The following DLG1 variants were observed in gnomAD, a reference collection of about 807,000 sequenced individuals.
DLG1 encodes the protein discs large MAGUK scaffold protein 1.
Under a neutral mutation model 123.4 loss-of-function variants are expected in DLG1, and 42 were observed. The ratio of observed to expected loss-of-function variants is 0.34; its 90% CI spans 0.27 to 0.44. The LOEUF is 0.44. Ranked by LOEUF, DLG1 falls within the 20% of genes least tolerant of loss-of-function variation. The probability of loss-of-function intolerance (pLI) is 1.00; values close to 1 mark genes in which losing one functional copy is unlikely to be tolerated. For synonymous variants in DLG1, 317 were observed against 356.2 expected (o/e 0.89, Z 1.24); for missense variants, 942 against 1,082.6 (o/e 0.87, Z 1.82).
At chr3:197,073,653 T>C (rs1009378660) in intron 18 of DLG1, among the ~76,000 whole-genome samples, 2 of 152,212 alleles carry the variant, frequency 1.3e-5, no homozygotes, top group East Asian at 1.9e-4. Context: ...GGGAAATCAA[T>C]AATTTATTTG....
intron 4 of DLG1, among the ~76,000 whole-genome samples, chr3:197,269,962 A>C (rs1763241591): frequency 6.6e-6 from 1 of 152,230 alleles, no homozygotes; most frequent in Non-Finnish European, 1.5e-5. Context: ...AAATGAATAC[A>C]ATATGTGCTT....
intron 3 of DLG1, among the ~76,000 whole-genome samples, chr3:197,293,425 T>C (rs1775885015): frequency 6.6e-6 from 1 of 152,246 alleles, no homozygotes; most frequent in Non-Finnish European, 1.5e-5. Context: ...CGAGTATCAA[T>C]TATAAAATGC....
chr3:197,241,129 A>G (rs919546734), intron 4 of DLG1, among the ~76,000 whole-genome samples: 1 of 152,156 alleles, frequency 6.6e-6, no homozygotes, highest in East Asian at 1.9e-4. Context: ...AAAGACAAAG[A>G]GAGGATCCTA....
chr3:197,269,554 G>T (rs1006213846), intron 4 of DLG1, among the ~76,000 whole-genome samples: 2 of 152,160 alleles, frequency 1.3e-5, no homozygotes, highest in African/African-American at 4.8e-5. Flanking sequence ...AAACAAAAAT[G>T]GAAACATCAG....
At chr3:197,104,441 G>A (rs1765210839) in intron 14 of DLG1, among the ~76,000 whole-genome samples, 1 of 152,128 alleles carries the variant, frequency 6.6e-6, no homozygotes, top group African/African-American at 2.4e-5. Flanking sequence ...CAGCACTTTG[G>A]GAGGCTGAGG....
At chr3:197,144,820 GC>G (rs1246974705) in intron 6 of DLG1, among the ~76,000 whole-genome samples, 1 of 151,968 alleles carries the variant, frequency 6.6e-6, no homozygotes. Flanking sequence ...TGTTATAAAG[GC>G]ATTTATATAG....
chr3:197,278,985 T>C (rs907975310), intron 4 of DLG1, among the ~76,000 whole-genome samples: 2 of 152,184 alleles, frequency 1.3e-5, no homozygotes, highest in Non-Finnish European at 2.9e-5. Context: ...TAAGACAAAA[T>C]GGTTTTGATT....
intron 12 of DLG1, among the ~76,000 whole-genome samples, chr3:197,119,199 T>A (rs1774958028): frequency 6.6e-6 from 1 of 152,154 alleles, no homozygotes; most frequent in African/African-American, 2.4e-5. Context: ...GTATTAATTT[T>A]AAAAAAGGAG....
chr3:197,072,978 T>TGAGTCACC (rs1273550568), intron 18 of DLG1, among the ~76,000 whole-genome samples: 1 of 152,200 alleles, frequency 6.6e-6, no homozygotes, highest in Non-Finnish European at 1.5e-5. Flanking sequence ...ATTACAGGCG[T>TGAGTCACC]GAGTCACCGC....
chr3:197,218,243 C>A (rs1204264904), intron 4 of DLG1, among the ~76,000 whole-genome samples: 1 of 152,150 alleles, frequency 6.6e-6, no homozygotes, highest in Non-Finnish European at 1.5e-5. Context: ...AATTTATAAT[C>A]ATCATAATTT....
chr3:197,228,554 G>A (rs1041502416), intron 4 of DLG1, among the ~76,000 whole-genome samples: 1 of 151,994 alleles, frequency 6.6e-6, no homozygotes, highest in African/African-American at 2.4e-5. Context: ...TGAGTTCAAC[G>A]TATACATTTT....
Position 197,154,136 on chromosome 3 carries a change from A to T in DLG1, c.484-4340T>A, listed in dbSNP as rs565833230. Reference sequence around the variant, plus strand: ...GCCAACATACTGAAACCCTGTCTCTACTAAAAATACAAAAAATTAGCTGGG... The same window carrying T: ...GCCAACATACTGAAACCCTGTCTCTTCTAAAAATACAAAAAATTAGCTGGG... On this transcript the variant is annotated intron_variant, in intron 5 of 24. Coordinates refer to ENST00000667157, the MANE Select transcript of DLG1 (RefSeq NM_001366207.1). 1.6e-4 allele frequency among the ~76,000 whole-genome samples: 24 copies of T among 151,778 alleles called. No individual in the cohort carries two copies. In the East Asian group the frequency reaches 4.3e-3, roughly 27 times the overall value.
At chr3:197,075,579 C>T (rs765103723) in intron 18 of DLG1, among the ~76,000 whole-genome samples, 12 of 151,674 alleles carry the variant, frequency 7.9e-5, no homozygotes, top group South Asian at 2.1e-4. Flanking sequence ...AAGTAACTGT[C>T]GTAAAAATTA....
At chr3:197,101,678 C>A (rs181329980) in intron 14 of DLG1, among the ~76,000 whole-genome samples, 1 of 152,140 alleles carries the variant, frequency 6.6e-6, no homozygotes, top group Non-Finnish European at 1.5e-5. Context: ...CGTGAGCCAC[C>A]GCGCCTGGCC....
rs945981577 is a variant in DLG1, at chr3:197,279,927, T to C, written c.318+2752A>G. 9.2e-5 allele frequency among the ~76,000 whole-genome samples: 14 copies of C among 152,378 alleles called. No individual in the cohort carries two copies. In the East Asian group the frequency reaches 2.7e-3, roughly 29 times the overall value. On this transcript the variant is annotated intron_variant, in intron 4 of 24. Transcript: ENST00000667157. ...CGATATTTGGTACGTGCATACAATG[T>C]GTAATGGTCAAATCAGGGTATTTAG...
intron 3 of DLG1, among the ~76,000 whole-genome samples, chr3:197,290,672 G>C (rs553589343): frequency 1.8e-4 from 27 of 152,256 alleles, no homozygotes; most frequent in Admixed American, 1.3e-3. Context: ...GCTGGGCGCA[G>C]TGGCTCACAC....
intron 10 of DLG1, among the ~76,000 whole-genome samples, chr3:197,131,719 A>G (rs1218425412): frequency 2.8e-5 from 4 of 144,348 alleles, no homozygotes; most frequent in Non-Finnish European, 6.0e-5. Flanking sequence ...TCAGCCTCCC[A>G]AGTAGCTGGG....
chr3:197,066,604 A>AT (rs1184176153), intron 20 of DLG1, 100 bp downstream of exon 20: 9 of 850,344 alleles, frequency 1.1e-5, no homozygotes, highest in South Asian at 9.4e-5. Flanking sequence ...GTAAAAAAAA[A>AT]TTTTAATACA....
At chr3:197,126,506 TACTC>T (rs1315052133) in intron 11 of DLG1, among the ~76,000 whole-genome samples, 1 of 151,760 alleles carries the variant, frequency 6.6e-6, no homozygotes, top group Non-Finnish European at 1.5e-5. Flanking sequence ...AGGGCACTAA[TACTC>T]AATTCGTGGA....
Sources: gnomAD v4.1 joint callset for allele counts (sites outside exome capture counted in the v4.1 genomes callset) on GRCh38, gnomAD v4.1.1 for gene constraint, MANE v1.5 for transcripts, NCBI Gene and HGNC (gene_info 2026-07-23, HGNC 2026-07-21) for gene names.